Variants in LRFN2 observed in about 807,000 individuals in gnomAD.
LRFN2 encodes leucine rich repeat and fibronectin type III domain containing 2.
A neutral mutation model predicts 37.3 loss-of-function variants in LRFN2; 18 were observed. The observed-to-expected ratio is 0.48, with a 90% CI of 0.33 to 0.72. The LOEUF (loss-of-function observed/expected upper bound fraction) is 0.72, where lower values mean the gene tolerates loss of function less well. Ranked by LOEUF, LRFN2 falls within the 30% of genes least tolerant of loss-of-function variation. LRFN2 has a pLI of 0.02. For synonymous variants in LRFN2, 556 were observed against 466.6 expected (o/e 1.19, Z -2.47); for missense variants, 1,006 against 1,060.7 (o/e 0.95, Z 0.72).
intron 1 of LRFN2, among the ~76,000 whole-genome samples, chr6:40,435,050 T>TAGAGAGAGAG (rs1384410748): frequency 2.7e-4 from 16 of 60,048 alleles, no homozygotes; most frequent in Admixed American, 4.3e-4. Flanking sequence ...TATATATATA[T>TAGAGAGAGAG]ATAGAGAGAG....
intron 1 of LRFN2, among the ~76,000 whole-genome samples, chr6:40,529,676 T>C (rs1428989484): frequency 6.6e-6 from 1 of 152,198 alleles, no homozygotes; most frequent in Non-Finnish European, 1.5e-5. Context: ...CTTGGAGCTG[T>C]CTGGGTTCAA....
At chr6:40,418,327 G>A (rs1251458886) in intron 2 of LRFN2, among the ~76,000 whole-genome samples, 6 of 152,000 alleles carry the variant, frequency 3.9e-5, no homozygotes, top group South Asian at 2.1e-4. Context: ...CTCTGGTCTC[G>A]GTCTCGTTAC....
intron 1 of LRFN2, among the ~76,000 whole-genome samples, chr6:40,547,022 G>T (rs1036289233): frequency 6.6e-6 from 1 of 152,120 alleles, no homozygotes; most frequent in East Asian, 1.9e-4. Context: ...TTGATAAAGT[G>T]GGGATTCAAG....
At chr6:40,476,277 C>T (rs956591923) in intron 1 of LRFN2, among the ~76,000 whole-genome samples, 7 of 152,190 alleles carry the variant, frequency 4.6e-5, no homozygotes, top group South Asian at 2.1e-4. Flanking sequence ...TTCTGTCTGC[C>T]GCTACGTTTC....
At position 40,392,005 on chromosome 6, in the gene LRFN2, C is replaced by A. The variant is rs3734559; in HGVS notation, c.2308G>T (p.Asp770Tyr). The A allele has an allele frequency of 1.9e-6, 3 of 1,610,270 alleles. No homozygotes were observed. The Admixed American group carries it at 5.0e-5, about 27-fold the overall frequency. ...NGMLLPFEESDLVGARGTFGS... is the reference protein window; with the variant it reads ...NGMLLPFEESYLVGARGTFGS... ...AAAGTCCCCCGGGCCCCCACCAGGT[C>A]ACTCTCCTCAAAGGGCAAGAGCATG... is the stretch of plus-strand genomic sequence containing the variant. Residue 770 changes from aspartate (D) to tyrosine (Y), a missense_variant, in exon 3 of 3, where the codon GAC becomes TAC. Around this residue, in one of 4 missense-constraint regions of LRFN2, gnomAD observed 398 missense variants for 327.6 expected, o/e 1.21. Transcript: ENST00000338305. The surrounding 1 kb of genome is among the most constrained non-coding windows in gnomAD (Gnocchi z 4.7).
At chr6:40,549,470 A>G (rs1302106671) in intron 1 of LRFN2, among the ~76,000 whole-genome samples, 2 of 152,234 alleles carry the variant, frequency 1.3e-5, no homozygotes, top group Non-Finnish European at 2.9e-5. Context: ...TATGGCTTTC[A>G]ACAAAAAGTA....
At chr6:40,574,859 TC>T (rs1767248691) in intron 1 of LRFN2, among the ~76,000 whole-genome samples, 1 of 152,086 alleles carries the variant, frequency 6.6e-6, no homozygotes, top group Non-Finnish European at 1.5e-5. Flanking sequence ...CACAACATCC[TC>T]AGGCTCAGGA....
Position 40,431,953 on chromosome 6 carries a change from G to A in LRFN2, c.1161C>T (p.Ser387=), listed in dbSNP as rs1211176777. ...GGCGGGACTTGGGGGGTGCAGTGCG[G>A]CTGGTGCTGTTGCTGAGGTGTGGCA... is the stretch of plus-strand genomic sequence containing the variant. The part of the protein sequence containing the change: ...VQLPHLSNST[S]RTAPPKSRLS... The change falls in exon 2 of 3, where the codon AGC becomes AGT. Residue 387 remains serine, a synonymous_variant. Transcript: ENST00000338305. The A allele has an allele frequency of 1.2e-6, 2 of 1,613,618 alleles. No homozygotes were observed. Among genetic ancestry groups the A allele is most frequent in the South Asian group, 1.1e-5 (1 of 91,076 alleles).
At chr6:40,402,895 G>C (rs544498391) in intron 2 of LRFN2, among the ~76,000 whole-genome samples, 2 of 152,202 alleles carry the variant, frequency 1.3e-5, no homozygotes, top group Non-Finnish European at 2.9e-5. Flanking sequence ...TCTGAGGGAA[G>C]TGAGGGAACC....
chr6:40,496,177 C>T, intron 1 of LRFN2, among the ~76,000 whole-genome samples: 1 of 152,136 alleles, frequency 6.6e-6, no homozygotes, highest in East Asian at 1.9e-4. Context: ...AAAATGTATC[C>T]CGAATCCAAC....
At chr6:40,497,237 C>T (rs193155455) in intron 1 of LRFN2, among the ~76,000 whole-genome samples, 171 of 152,302 alleles carry the variant, frequency 1.1e-3, no homozygotes, top group African/African-American at 3.7e-3. Context: ...TGCAGTTCCC[C>T]CCAGATGTCC....
At chr6:40,540,609 C>T (rs892744157) in intron 1 of LRFN2, among the ~76,000 whole-genome samples, 12 of 152,206 alleles carry the variant, frequency 7.9e-5, no homozygotes, top group Non-Finnish European at 1.5e-4. Context: ...CCCTGAGGGG[C>T]TGCCAACTGC....
chr6:40,464,109 T>A (rs1455363678), intron 1 of LRFN2, among the ~76,000 whole-genome samples: 1 of 152,188 alleles, frequency 6.6e-6, no homozygotes, highest in Non-Finnish European at 1.5e-5. Flanking sequence ...CAGGTCTCTA[T>A]CACTACATTT....
intron 2 of LRFN2, among the ~76,000 whole-genome samples, chr6:40,399,399 G>C (rs17681686): frequency 0.26 from 38,519 of 146,300 alleles, 5,718 homozygotes; most frequent in Non-Finnish European, 0.31. Context: ...TCCAAACCCT[G>C]TACTGAATTC....
intron 2 of LRFN2, among the ~76,000 whole-genome samples, chr6:40,393,968 G>A (rs1452947374): frequency 6.6e-6 from 1 of 152,174 alleles, no homozygotes; most frequent in Non-Finnish European, 1.5e-5. Context: ...GAGGGACAGT[G>A]CAGTGTTAAG....
chr6:40,585,825 A>T (rs1767490535), intron 1 of LRFN2, among the ~76,000 whole-genome samples: 1 of 151,664 alleles, frequency 6.6e-6, no homozygotes. Context: ...TCCCTGAAAC[A>T]TACACATGCG....
chr6:40,425,695 G>C (rs1337630607), intron 2 of LRFN2, among the ~76,000 whole-genome samples: 3 of 152,226 alleles, frequency 2.0e-5, no homozygotes, highest in Non-Finnish European at 4.4e-5. Flanking sequence ...AAACAGGCCA[G>C]GCCCTGCTGG....
chr6:40,456,797 G>A (rs1316303264), intron 1 of LRFN2, among the ~76,000 whole-genome samples: 1 of 152,166 alleles, frequency 6.6e-6, no homozygotes, highest in Non-Finnish European at 1.5e-5. Flanking sequence ...GGAGAGAAAA[G>A]GGAAGGGTGA....
At position 40,431,986 on chromosome 6, in the gene LRFN2, G is replaced by T. The variant is rs1415588413; in HGVS notation, c.1128C>A (p.Ile376=). ...TGTTGCTGAGGTGTGGCAGCTGGACGATGGAGACCTCCACCATGGCCGTGG... is the reference window on the plus strand; with the variant it reads ...TGTTGCTGAGGTGTGGCAGCTGGACTATGGAGACCTCCACCATGGCCGTGG... ...GEATAMVEVS[I]VQLPHLSNST... The change falls in exon 2 of 3, where the codon ATC becomes ATA. Residue 376 remains isoleucine (I), a synonymous_variant. Coordinates refer to ENST00000338305, the MANE Select transcript of LRFN2 (RefSeq NM_020737.3). 6.2e-7 allele frequency: 1 copy of T among 1,613,526 alleles called. No homozygotes were observed. Among genetic ancestry groups the T allele is most frequent in the Non-Finnish European group, 8.5e-7 (1 of 1,180,022 alleles).
Sources: gnomAD v4.1 joint callset for allele counts (sites outside exome capture counted in the v4.1 genomes callset) on GRCh38, gnomAD v4.1.1 for gene constraint, gnomAD v4.1.1 regional missense constraint, Gnocchi (gnomAD v3.1) non-coding constraint, MANE v1.5 for transcripts, NCBI Gene and HGNC (gene_info 2026-07-23, HGNC 2026-07-21) for gene names.